OR2L13: variants seen among roughly 807,000 people sequenced by gnomAD.
OR2L13 encodes the protein olfactory receptor family 2 subfamily L member 13, also known as olfactory receptor 2L13.
A neutral mutation model predicts 15.3 loss-of-function variants in OR2L13; 14 were observed. The observed-to-expected ratio is 0.91, with a 90% CI of 0.60 to 1.43. The LOEUF is 1.43. Among genes scored for constraint, OR2L13 ranks in the 40% most tolerant of loss-of-function variants. The probability of loss-of-function intolerance (pLI) is 0.00; values close to 1 mark genes in which losing one functional copy is unlikely to be tolerated. For missense variants in OR2L13, 367 were observed against 387.9 expected (o/e 0.95, Z 0.45); for synonymous variants, 152 against 142.9 (o/e 1.06, Z -0.45).
At chr1:247,966,529 CT>C in the OR2L13 span, 1 of 533,610 alleles carries the variant, frequency 1.9e-6, no homozygotes, top group Non-Finnish European at 3.2e-6. Context: ...CTTGAATACT[CT>C]GAAATGTGAA....
At chr1:248,028,140 C>CAAAAAAAAAAAAAA in the OR2L13 span, among the ~76,000 whole-genome samples, 2 of 37,784 alleles carry the variant, frequency 5.3e-5, no homozygotes, top group African/African-American at 9.4e-5. Context: ...GATTCCGTCT[C>CAAAAAAAAAAAAAA]AAAAAAAAAA....
chr1:248,057,914 A>ATAGAAATAATTT, the OR2L13 span, among the ~76,000 whole-genome samples: 1 of 152,188 alleles, frequency 6.6e-6, no homozygotes, highest in African/African-American at 2.4e-5. Flanking sequence ...TCATATGCAA[A>ATAGAAATAATTT]CAGAAATAAT....
At chr1:247,990,582 T>A in the OR2L13 span, 1 of 1,560,586 alleles carries the variant, frequency 6.4e-7, no homozygotes, top group African/African-American at 1.4e-5. Flanking sequence ...TCTTCCTGAC[T>A]TTAGCAGGTG....
At chr1:247,945,464 G>GA in the OR2L13 span, among the ~76,000 whole-genome samples, 1 of 152,094 alleles carries the variant, frequency 6.6e-6, no homozygotes, top group East Asian at 1.9e-4. Context: ...ATATGGTGGT[G>GA]AAAAAATGTA....
At chr1:248,053,022 A>G in the OR2L13 span, among the ~76,000 whole-genome samples, 3 of 152,148 alleles carry the variant, frequency 2.0e-5, no homozygotes, top group African/African-American at 4.8e-5. Flanking sequence ...AACGTGTGCC[A>G]TGGTGATTTG....
At chr1:248,083,800 T>G in the OR2L13 span, 16 of 1,613,716 alleles carry the variant, frequency 9.9e-6, no homozygotes, top group Non-Finnish European at 1.2e-5. Flanking sequence ...TCGTGGTTAG[T>G]GGACCTGTGG....
chr1:247,965,208 C>G, the OR2L13 span: 5 of 750,324 alleles, frequency 6.7e-6, no homozygotes, highest in Admixed American at 3.7e-5. Flanking sequence ...AATGTGTTTG[C>G]CATTTTGTAC....
the OR2L13 span, among the ~76,000 whole-genome samples, chr1:248,025,482 C>G: frequency 9.4e-5 from 14 of 149,198 alleles, no homozygotes; most frequent in Non-Finnish European, 1.5e-4. Context: ...GAAATAGGAA[C>G]ACTTTTACAC....
chr1:248,007,990 A>G, the OR2L13 span, among the ~76,000 whole-genome samples: 2 of 152,166 alleles, frequency 1.3e-5, no homozygotes, highest in Non-Finnish European at 2.9e-5. Flanking sequence ...TATTAGTTTG[A>G]GCTGAAAACA....
At chr1:248,036,245 G>T in the OR2L13 span, among the ~76,000 whole-genome samples, 412 of 150,648 alleles carry the variant, frequency 2.7e-3, 1 homozygote, top group Middle Eastern at 0.01. Flanking sequence ...AATCTTTTCA[G>T]TTTTTTTTTC....
At chr1:248,005,080 T>C in the OR2L13 span, among the ~76,000 whole-genome samples, 3 of 152,094 alleles carry the variant, frequency 2.0e-5, no homozygotes, top group Admixed American at 6.5e-5. Context: ...TAATTAGATA[T>C]AATGAATAAG....
chr1:247,990,066 A>G, the OR2L13 span, among the ~76,000 whole-genome samples: 9 of 152,122 alleles, frequency 5.9e-5, no homozygotes, highest in Non-Finnish European at 1.2e-4. Context: ...ATTTTTGTTA[A>G]TCTCTTCCTT....
At chr1:247,952,768 C>G in the OR2L13 span, among the ~76,000 whole-genome samples, 1 of 152,170 alleles carries the variant, frequency 6.6e-6, no homozygotes, top group African/African-American at 2.4e-5. Flanking sequence ...GTGTCTGGTT[C>G]AGACCCTATA....
At chr1:247,981,093 T>C in the OR2L13 span, among the ~76,000 whole-genome samples, 3 of 152,328 alleles carry the variant, frequency 2.0e-5, no homozygotes, top group South Asian at 2.1e-4. Context: ...TCCTGGAGTA[T>C]AGAATGCAGA....
At chr1:247,966,264 A>T in the OR2L13 span, 1 of 1,613,444 alleles carries the variant, frequency 6.2e-7, no homozygotes, top group Non-Finnish European at 8.5e-7. Flanking sequence ...GAAATAAGGA[A>T]GTGACGGGGG....
the OR2L13 span, among the ~76,000 whole-genome samples, chr1:248,086,439 A>G: frequency 1.3e-5 from 2 of 152,286 alleles, no homozygotes; most frequent in South Asian, 4.1e-4. Context: ...AAGCTGTGAA[A>G]AATTATGATG....
At chr1:248,065,174 T>C in the OR2L13 span, among the ~76,000 whole-genome samples, 1 of 152,222 alleles carries the variant, frequency 6.6e-6, no homozygotes, top group Non-Finnish European at 1.5e-5. Flanking sequence ...TGTGCCTCGT[T>C]TTAGCCATTT....
chr1:248,045,550 G>C, the OR2L13 span, among the ~76,000 whole-genome samples: 14 of 152,284 alleles, frequency 9.2e-5, no homozygotes, highest in African/African-American at 3.4e-4. Context: ...AATAGGTTTT[G>C]TCTTCTGTCT....
chr1:248,047,853 C>T, the OR2L13 span, among the ~76,000 whole-genome samples: 1 of 152,170 alleles, frequency 6.6e-6, no homozygotes, highest in Non-Finnish European at 1.5e-5. Flanking sequence ...CTTGCAGGTT[C>T]TCTTCAGTGA....
Sources: gnomAD v4.1 joint callset for allele counts (sites outside exome capture counted in the v4.1 genomes callset) on GRCh38, gnomAD v4.1.1 for gene constraint, MANE v1.5 for transcripts, NCBI Gene and HGNC (gene_info 2026-07-23, HGNC 2026-07-21) for gene names.